SARDH: variants seen among roughly 807,000 people sequenced by gnomAD.
SARDH encodes the protein sarcosine dehydrogenase.
Under a neutral mutation model 109.1 loss-of-function variants are expected in SARDH, and 95 were observed. The observed-to-expected ratio is 0.87, with a 90% CI of 0.74 to 1.03. The LOEUF (loss-of-function observed/expected upper bound fraction) is 1.03, where lower values mean the gene tolerates loss of function less well. Ranked by LOEUF, SARDH falls within the 50% of genes least tolerant of loss-of-function variation. The pLI, the probability that SARDH is intolerant of heterozygous loss-of-function variation, is 0.00. For synonymous variants in SARDH, 572 were observed against 534.8 expected, an observed-to-expected ratio of 1.07 and a Z score of -0.96; for missense variants, 1,267 against 1,287.8, an observed-to-expected ratio of 0.98 and a Z score of 0.25.
chr9:133,695,344 G>A (rs1831245203), intron 14 of SARDH, among the ~76,000 whole-genome samples: 1 of 152,362 alleles, frequency 6.6e-6, no homozygotes, highest in South Asian at 2.1e-4. Flanking sequence ...TCAGGAGGCT[G>A]AGGCATGAGA....
At chr9:133,670,244 A>C (rs1420351397) in intron 19 of SARDH, among the ~76,000 whole-genome samples, 1 of 149,924 alleles carries the variant, frequency 6.7e-6, no homozygotes, top group Admixed American at 6.7e-5. Context: ...CAGGAGAATC[A>C]CTTGAACCTG....
intron 4 of SARDH, among the ~76,000 whole-genome samples, 187 bp from the exon 5 acceptor site, chr9:133,730,374 C>T (rs1298774836): frequency 6.6e-6 from 1 of 151,946 alleles, no homozygotes; most frequent in Non-Finnish European, 1.5e-5. Context: ...CCACCCATGC[C>T]TTGACTTGGA....
chr9:133,697,885 C>T (rs991552315), intron 13 of SARDH, among the ~76,000 whole-genome samples: 1 of 151,684 alleles, frequency 6.6e-6, no homozygotes, highest in Non-Finnish European at 1.5e-5. Flanking sequence ...GCACTGGAGG[C>T]TCTAGCCAGG....
chr9:133,697,659 A>G (rs1831331701), intron 13 of SARDH, among the ~76,000 whole-genome samples: 2 of 152,248 alleles, frequency 1.3e-5, no homozygotes, highest in African/African-American at 4.8e-5. Context: ...TAAGAGAACA[A>G]AGGACAAAAA....
chr9:133,738,641 G>A (rs937543183), upstream of SARDH, among the ~76,000 whole-genome samples: 2 of 152,226 alleles, frequency 1.3e-5, no homozygotes, highest in Non-Finnish European at 2.9e-5. Flanking sequence ...GCCTGCTGGA[G>A]CCGCCCGAGC....
rs772291300 is a variant in SARDH, at chr9:133,709,511, C to T, written c.1329-1083G>A. ...CTAGAACCTCACTCATCACTCAAGG[C>T]TGCCTCAGCAGCCACATCAGAGGCG... On this transcript the variant is annotated intron_variant, in intron 10 of 20. Coordinates refer to ENST00000439388, the MANE Select transcript of SARDH (RefSeq NM_001134707.2). This position sits in a 1 kb window ranked among gnomAD's most constrained non-coding sequence, Gnocchi z 4.2. Among the ~76,000 whole-genome samples the T allele has an allele frequency of 4.6e-5, 7 of 152,182 alleles. No individual in the cohort carries two copies. Among genetic ancestry groups the T allele is most frequent in the Non-Finnish European group, 1.0e-4 (7 of 68,040 alleles).
chr9:133,685,071 G>A, intron 17 of SARDH, 122 bp downstream of exon 17: 1 of 757,254 alleles, frequency 1.3e-6, no homozygotes, highest in South Asian at 1.8e-5. Context: ...TCACAGTTGG[G>A]GACCGAGGCC....
At chr9:133,721,410 C>T (rs1832321426) in intron 6 of SARDH, among the ~76,000 whole-genome samples, 2 of 152,220 alleles carry the variant, frequency 1.3e-5, no homozygotes, top group Admixed American at 6.5e-5. Context: ...TTCAGACATT[C>T]ATGGACACAA....
intron 3 of SARDH, 45 bp downstream of exon 3, chr9:133,732,378 A>ACCCC: frequency 4.7e-6 from 1 of 214,092 alleles, no homozygotes; most frequent in Non-Finnish European, 9.3e-6. Flanking sequence ...GAGTGCACCC[A>ACCCC]CCCACCCAAG....
At chr9:133,723,375 A>T (rs2427999) in intron 6 of SARDH, among the ~76,000 whole-genome samples, 125,327 of 152,240 alleles carry the variant, frequency 0.82, 52,846 homozygotes, top group Non-Finnish European at 0.9. Context: ...ACTTCTTGAT[A>T]CCAAACTTAC....
chr9:133,730,141 T>TCATC lies in SARDH; in HGVS notation c.733_736dup (p.Asp246GlyfsTer2), dbSNP rs1463674467. Reference sequence around the variant, plus strand: ...ACCCGCGACCCGCCGCACCCCAAAATCATCCGTCCACACACGAATGCCGGT... The same window carrying TCATC: ...ACCCGCGACCCGCCGCACCCCAAAATCATCCATCCGTCCACACACGAATGCCGGT... On this transcript the variant is annotated stop_gained and frameshift_variant, in exon 5 of 21. Transcript: ENST00000439388. LOFTEE classifies it high-confidence loss of function. 5 of 1,614,028 alleles carry TCATC rather than the reference T, an allele frequency of 3.1e-6. No individual in the cohort carries two copies. The highest frequency in any genetic ancestry group is 1.7e-5 in the Admixed American group (1 of 60,006).
intron 10 of SARDH, among the ~76,000 whole-genome samples, chr9:133,710,392 G>A (rs1831872740): frequency 6.6e-6 from 1 of 152,196 alleles, no homozygotes; most frequent in South Asian, 2.1e-4. Context: ...GCCCCCTGGT[G>A]CCCGGTCAGC....
At chr9:133,733,006 T>G (rs3780804) in intron 2 of SARDH, among the ~76,000 whole-genome samples, 26,231 of 151,982 alleles carry the variant, frequency 0.17, 2,375 homozygotes, top group Admixed American at 0.22. Context: ...CACTACTGAA[T>G]GAAGCTTAAA....
At chr9:133,676,291 T>C (rs1830508252) in intron 17 of SARDH, among the ~76,000 whole-genome samples, 1 of 152,126 alleles carries the variant, frequency 6.6e-6, no homozygotes, top group Admixed American at 6.5e-5. Flanking sequence ...ATTCCACTCA[T>C]ATGAGGTCCC....
intron 13 of SARDH, 76 bp downstream of exon 13, chr9:133,702,840 G>T (rs916712475): frequency 7.2e-5 from 101 of 1,394,936 alleles, no homozygotes; most frequent in Non-Finnish European, 1.0e-4. Flanking sequence ...TGCAGGGCCA[G>T]CCGAGGGCCG....
At chr9:133,682,499 C>T (rs1830731023) in intron 17 of SARDH, among the ~76,000 whole-genome samples, 1 of 152,218 alleles carries the variant, frequency 6.6e-6, no homozygotes, top group African/African-American at 2.4e-5. Flanking sequence ...TGCCGCTGAC[C>T]ACCATGTCCC....
rs779034879 is a variant in SARDH at position 133,730,164 on chromosome 9, G to A, written c.714C>T (p.Thr238=). ...GAQVIENCPV[T]GIRVWTDDFG... is the part of the protein sequence containing the mutation. The stretch of plus-strand genomic sequence containing the variant: ...AATCATCCGTCCACACACGAATGCC[G>A]GTCACTGGGCAGTTCTCAATGACCT... Residue 238 remains threonine, a synonymous_variant, in exon 5 of 21, where the codon ACC becomes ACT. Coordinates refer to ENST00000439388, the MANE Select transcript of SARDH (RefSeq NM_001134707.2). 59 of 1,614,072 alleles carry A rather than the reference G, an allele frequency of 3.7e-5. No homozygotes were observed. The highest frequency in any genetic ancestry group is 6.6e-5 in the South Asian group (6 of 91,082).
intron 19 of SARDH, among the ~76,000 whole-genome samples, chr9:133,669,496 C>T (rs574130580): frequency 1.2e-4 from 18 of 151,644 alleles, no homozygotes; most frequent in Middle Eastern, 3.4e-3. Flanking sequence ...GTGGGCACCA[C>T]GGGAGGGCCT....
chr9:133,738,930 C>T (rs891816761), upstream of SARDH, among the ~76,000 whole-genome samples: 1 of 152,216 alleles, frequency 6.6e-6, no homozygotes, highest in Non-Finnish European at 1.5e-5. Context: ...GAGATGCCCC[C>T]AAGCCACTGG....
Sources: gnomAD v4.1 joint callset for allele counts (sites outside exome capture counted in the v4.1 genomes callset) on GRCh38, gnomAD v4.1.1 for gene constraint, Gnocchi (gnomAD v3.1) non-coding constraint, MANE v1.5 for transcripts, NCBI Gene and HGNC (gene_info 2026-07-23, HGNC 2026-07-21) for gene names.